Variants in EPM2A observed in about 807,000 individuals in gnomAD.
EPM2A encodes EPM2A glucan phosphatase, laforin.
EPM2A carries 21 observed loss-of-function variants against 26.5 expected under a neutral mutation model. The observed-to-expected ratio is 0.79, with a 90% CI of 0.56 to 1.14. The LOEUF (loss-of-function observed/expected upper bound fraction) is 1.14. Among genes scored for constraint, EPM2A ranks in the 50% most tolerant of loss-of-function variants. The pLI, the probability that EPM2A is intolerant of heterozygous loss-of-function variation, is 0.00. For synonymous variants in EPM2A, 217 were observed against 177.6 expected, an observed-to-expected ratio of 1.22 and a Z score of -1.76; for missense variants, 458 against 440.8, an observed-to-expected ratio of 1.04 and a Z score of -0.35.
intron 1 of EPM2A, among the ~76,000 whole-genome samples, chr6:145,703,373 G>A (rs925742152): frequency 7.2e-5 from 11 of 152,036 alleles, no homozygotes. Context: ...TTACAGGTGT[G>A]AGCCACCACA....
intron 1 of EPM2A, among the ~76,000 whole-genome samples, chr6:145,696,787 G>A (rs1158973111): frequency 7.8e-6 from 1 of 128,746 alleles, no homozygotes; most frequent in Non-Finnish European, 1.5e-5. Context: ...GTGTGTGTGT[G>A]TGTGTGTGTG....
chr6:145,484,799 A>T (rs932394389), intron 4 of EPM2A, among the ~76,000 whole-genome samples: 1 of 151,040 alleles, frequency 6.6e-6, no homozygotes, highest in African/African-American at 2.4e-5. Flanking sequence ...CAATATTTGG[A>T]CCCTCTCTAT....
At chr6:145,573,532 C>T (rs1431566168) in intron 2 of EPM2A, among the ~76,000 whole-genome samples, 3 of 152,236 alleles carry the variant, frequency 2.0e-5, no homozygotes, top group East Asian at 3.8e-4. Context: ...GAGAGTTGAA[C>T]AGGGATGTGG....
intron 2 of EPM2A, among the ~76,000 whole-genome samples, chr6:145,674,882 T>C (rs1162193603): frequency 1.3e-5 from 2 of 152,008 alleles, no homozygotes; most frequent in East Asian, 3.9e-4. Context: ...TCCAGGAGAA[T>C]TTCTCCAACC....
chr6:145,534,807 T>C (rs17797774), intron 2 of EPM2A, among the ~76,000 whole-genome samples: 1,967 of 152,288 alleles, frequency 0.013, 40 homozygotes, highest in East Asian at 0.084. Flanking sequence ...CGTCATTTGG[T>C]GATATATCTG....
At chr6:145,444,616 T>A (rs1351373443) in intron 4 of EPM2A, among the ~76,000 whole-genome samples, 1 of 152,206 alleles carries the variant, frequency 6.6e-6, no homozygotes, top group African/African-American at 2.4e-5. Flanking sequence ...TGGGGATGAG[T>A]CCCTCTTCCT....
At chr6:145,506,730 A>T (rs887994900) in intron 2 of EPM2A, among the ~76,000 whole-genome samples, 8 of 150,832 alleles carry the variant, frequency 5.3e-5, no homozygotes, top group Non-Finnish European at 1.2e-4. Flanking sequence ...GGCAGTGAGC[A>T]GGCCTAGAGG....
intron 1 of EPM2A, among the ~76,000 whole-genome samples, chr6:145,711,137 T>A (rs142315489): frequency 6.6e-6 from 1 of 151,790 alleles, no homozygotes; most frequent in African/African-American, 2.4e-5. Flanking sequence ...AAAAAAAGGA[T>A]TGGGGGATTG....
At chr6:145,590,706 C>A (rs935588317) in intron 2 of EPM2A, among the ~76,000 whole-genome samples, 12 of 151,978 alleles carry the variant, frequency 7.9e-5, no homozygotes, top group African/African-American at 2.7e-4. Context: ...GTCTCTGGCA[C>A]GTACAGCAAA....
chr6:145,469,331 T>A (rs2114723867), intron 4 of EPM2A, among the ~76,000 whole-genome samples: 1 of 152,192 alleles, frequency 6.6e-6, no homozygotes, highest in Non-Finnish European at 1.5e-5. Context: ...GGGATTACAA[T>A]TTAAGATGAG....
At chr6:145,502,912 G>T (rs143559606) in intron 2 of EPM2A, among the ~76,000 whole-genome samples, 196 of 152,258 alleles carry the variant, frequency 1.3e-3, no homozygotes, top group African/African-American at 4.5e-3. Context: ...TATTCATGAT[G>T]AATACATATT....
chr6:145,732,939 G>A (rs568122988), intron 1 of EPM2A, among the ~76,000 whole-genome samples: 10 of 152,192 alleles, frequency 6.6e-5, no homozygotes, highest in South Asian at 2.1e-4. Context: ...GAGGTGACAC[G>A]CCTCAAATCC....
intron 2 of EPM2A, among the ~76,000 whole-genome samples, chr6:145,657,089 C>CT (rs5880652): frequency 0.011 from 1,392 of 121,790 alleles, 26 homozygotes; most frequent in East Asian, 0.077. Flanking sequence ...GTCATTTTTC[C>CT]TTTTTTTTTT....
At chr6:145,606,644 A>G (rs1378871631) in intron 2 of EPM2A, among the ~76,000 whole-genome samples, 1 of 152,112 alleles carries the variant, frequency 6.6e-6, no homozygotes, top group Non-Finnish European at 1.5e-5. Flanking sequence ...GTCAATATAT[A>G]TAATTATGGG....
chr6:145,595,809 CT>C (rs1781335313), intron 2 of EPM2A, among the ~76,000 whole-genome samples: 1 of 151,998 alleles, frequency 6.6e-6, no homozygotes, highest in Non-Finnish European at 1.5e-5. Flanking sequence ...GGATTTTATA[CT>C]TTATTTTTTT....
chr6:145,456,693 G>A (rs1310594898), intron 4 of EPM2A, among the ~76,000 whole-genome samples: 1 of 152,156 alleles, frequency 6.6e-6, no homozygotes, highest in Non-Finnish European at 1.5e-5. Context: ...GAATATGGGT[G>A]TAAAAATTGC....
intron 1 of EPM2A, among the ~76,000 whole-genome samples, 186 bp from the exon 2 acceptor site, chr6:145,686,482 C>T (rs1283075768): frequency 2.6e-5 from 4 of 152,090 alleles, no homozygotes; most frequent in Non-Finnish European, 5.9e-5. Flanking sequence ...TAAAGAGCTA[C>T]TTAGGAAAAT....
chr6:145,501,533 C>G (rs1176593578), downstream of EPM2A: 1 of 260,696 alleles, frequency 3.8e-6, no homozygotes, highest in African/African-American at 2.3e-5. Context: ...ATTGACATAA[C>G]TGGTAGACTT....
At chr6:145,671,374 G>A in intron 2 of EPM2A, 1 of 995,956 alleles carries the variant, frequency 1.0e-6, no homozygotes, top group Non-Finnish European at 1.2e-6. Flanking sequence ...AGGCACAACT[G>A]GAATTCAGGC....
Sources: allele counts gnomAD v4.1 joint callset (sites outside exome capture counted in the v4.1 genomes callset), GRCh38; gene constraint gnomAD v4.1.1; transcripts MANE v1.5; gene names NCBI Gene and HGNC (gene_info 2026-07-23, HGNC 2026-07-21).